KCNT2: variants seen among roughly 807,000 people sequenced by gnomAD.
The protein encoded by KCNT2 is potassium channel subfamily T member 2.
Under a neutral mutation model 153.8 loss-of-function variants are expected in KCNT2, and 67 were observed. That is an observed-to-expected ratio of 0.44 (90% CI 0.36 to 0.53). KCNT2 has a LOEUF of 0.53. Ranked by LOEUF, KCNT2 falls within the 20% of genes least tolerant of loss-of-function variation. KCNT2 has a pLI of 0.00. For synonymous variants in KCNT2, 500 were observed against 458.8 expected (o/e 1.09, Z -1.15); for missense variants, 975 against 1,354.8 (o/e 0.72, Z 4.40).
chr1:196,385,673 A>G (rs1009567966), intron 13 of KCNT2, among the ~76,000 whole-genome samples: 35 of 152,084 alleles, frequency 2.3e-4, no homozygotes, highest in African/African-American at 8.2e-4. Flanking sequence ...ATTAAAGGCA[A>G]TACCACATAT....
chr1:196,512,369 A>C (rs1681702220), intron 1 of KCNT2, among the ~76,000 whole-genome samples: 1 of 152,184 alleles, frequency 6.6e-6, no homozygotes. Context: ...AAACTCATAT[A>C]TTAATTAAGC....
chr1:196,237,003 G>A (rs1158727323), intron 26 of KCNT2, among the ~76,000 whole-genome samples: 1 of 151,582 alleles, frequency 6.6e-6, no homozygotes, highest in East Asian at 1.9e-4. Flanking sequence ...CACTGCAGTT[G>A]CAGACAAGAA....
intron 1 of KCNT2, among the ~76,000 whole-genome samples, chr1:196,520,879 T>C (rs768294782): frequency 4.6e-5 from 7 of 152,072 alleles, no homozygotes; most frequent in Non-Finnish European, 8.8e-5. Context: ...ATTTAGGACA[T>C]AGGAATGGGC....
At chr1:196,500,302 G>T (rs534342794) in intron 1 of KCNT2, among the ~76,000 whole-genome samples, 63 of 118,270 alleles carry the variant, frequency 5.3e-4, no homozygotes, top group African/African-American at 2.0e-3. Context: ...GGGAGGGAGG[G>T]AGGGAGGGAG....
intron 27 of KCNT2, among the ~76,000 whole-genome samples, chr1:196,231,792 C>T (rs1210418066): frequency 6.6e-6 from 1 of 151,672 alleles, no homozygotes; most frequent in Non-Finnish European, 1.5e-5. Flanking sequence ...CCTTAAGTTT[C>T]AGAATAAGTA....
chr1:196,426,847 G>T (rs1262386792), intron 10 of KCNT2, among the ~76,000 whole-genome samples: 2 of 151,892 alleles, frequency 1.3e-5, no homozygotes, highest in African/African-American at 4.8e-5. Flanking sequence ...CTGTTCTCCT[G>T]ATAGTGAGTA....
At chr1:196,556,891 C>T (rs1202562310) in intron 1 of KCNT2, among the ~76,000 whole-genome samples, 3 of 151,272 alleles carry the variant, frequency 2.0e-5, no homozygotes, top group African/African-American at 7.3e-5. Flanking sequence ...GAAAGACAAA[C>T]ATTGCATGCT....
chr1:196,513,009 G>A (rs771663591), intron 1 of KCNT2, among the ~76,000 whole-genome samples: 2 of 152,006 alleles, frequency 1.3e-5, no homozygotes, highest in African/African-American at 2.4e-5. Flanking sequence ...TCACCTTATC[G>A]TGTCTGAAAA....
chr1:196,349,812 T>G (rs1666480206), intron 14 of KCNT2, among the ~76,000 whole-genome samples: 1 of 152,058 alleles, frequency 6.6e-6, no homozygotes, highest in South Asian at 2.1e-4. Flanking sequence ...ACCCATTAAC[T>G]CGTCATTTAG....
intron 26 of KCNT2, among the ~76,000 whole-genome samples, chr1:196,243,908 G>A (rs1024435773): frequency 2.0e-5 from 3 of 152,080 alleles, no homozygotes; most frequent in South Asian, 2.1e-4. Context: ...AAACCCAGGC[G>A]GTGCAGCTCA....
intron 1 of KCNT2, among the ~76,000 whole-genome samples, chr1:196,494,350 A>G (rs1356667394): frequency 1.3e-5 from 2 of 152,250 alleles, no homozygotes; most frequent in Middle Eastern, 3.4e-3. Context: ...GAATGAGTCC[A>G]TTTTTCAGAT....
intron 3 of KCNT2, among the ~76,000 whole-genome samples, chr1:196,485,926 A>T (rs983468472): frequency 9.3e-5 from 14 of 151,220 alleles, no homozygotes; most frequent in Non-Finnish European, 1.8e-4. Context: ...TCTCATTGAT[A>T]AAAAAAACAC....
intron 19 of KCNT2, among the ~76,000 whole-genome samples, chr1:196,321,260 T>G (rs1307124193): frequency 6.6e-6 from 1 of 151,800 alleles, no homozygotes; most frequent in African/African-American, 2.4e-5. Context: ...TGTCTTGTAA[T>G]TGGAGAAGCA....
chr1:196,336,251 C>A (rs188751059), intron 16 of KCNT2, among the ~76,000 whole-genome samples: 1 of 151,822 alleles, frequency 6.6e-6, no homozygotes, highest in African/African-American at 2.4e-5. Flanking sequence ...CTCTTCAGTC[C>A]TTCACTCTCA....
intron 26 of KCNT2, among the ~76,000 whole-genome samples, chr1:196,248,276 GA>G (rs1286006373): frequency 1.3e-5 from 2 of 150,366 alleles, no homozygotes; most frequent in East Asian, 3.9e-4. Flanking sequence ...AAAAATAGTA[GA>G]AAAAAAGAAA....
intron 11 of KCNT2, among the ~76,000 whole-genome samples, chr1:196,424,167 C>T (rs1673450008): frequency 6.6e-6 from 1 of 151,636 alleles, no homozygotes; most frequent in African/African-American, 2.4e-5. Flanking sequence ...AATATGGTCG[C>T]TTTTACCAAG....
intron 25 of KCNT2, among the ~76,000 whole-genome samples, chr1:196,268,171 GC>G (rs1189906726): frequency 6.6e-6 from 1 of 152,108 alleles, no homozygotes; most frequent in Non-Finnish European, 1.5e-5. Flanking sequence ...CTGTGGTTTG[GC>G]CATCTGGTCC....
At chr1:196,235,891 A>G (rs1279467337) in intron 27 of KCNT2, 95 bp downstream of exon 27, 11 of 720,332 alleles carry the variant, frequency 1.5e-5, no homozygotes, top group Non-Finnish European at 1.9e-5. Flanking sequence ...ACTTATAAGA[A>G]AAATAAGAGG....
intron 16 of KCNT2, 151 bp from the exon 17 acceptor site, chr1:196,334,211 T>A: frequency 1.7e-6 from 1 of 575,842 alleles, no homozygotes. Flanking sequence ...AGTTTAGTTC[T>A]GATAGCTAAA....
Sources: allele counts gnomAD v4.1 joint callset (sites outside exome capture counted in the v4.1 genomes callset), GRCh38; gene constraint gnomAD v4.1.1; transcripts MANE v1.5; gene names NCBI Gene and HGNC (gene_info 2026-07-23, HGNC 2026-07-21).